Variants in DLG2 observed in about 807,000 individuals in gnomAD.
The protein encoded by DLG2 is disks large homolog 2.
A neutral mutation model predicts 132.5 loss-of-function variants in DLG2; 45 were observed. The ratio of observed to expected loss-of-function variants is 0.34; its 90% CI spans 0.27 to 0.44. The LOEUF (loss-of-function observed/expected upper bound fraction) is 0.44. Among genes scored for constraint, DLG2 ranks in the 20% least tolerant of loss-of-function variants. DLG2 has a pLI of 1.00. For synonymous variants in DLG2, 424 were observed against 419.6 expected (o/e 1.01, Z -0.13); for missense variants, 1,045 against 1,196.9 (o/e 0.87, Z 1.87).
chr11:83,654,659 G>A (rs1031455890), intron 18 of DLG2, among the ~76,000 whole-genome samples: 2 of 152,172 alleles, frequency 1.3e-5, no homozygotes, highest in Admixed American at 1.3e-4. Flanking sequence ...AAGGATAGGA[G>A]ACACATCCTA....
chr11:85,217,730 G>C (rs535943804), intron 4 of DLG2, among the ~76,000 whole-genome samples: 5 of 152,054 alleles, frequency 3.3e-5, no homozygotes, highest in Non-Finnish European at 7.4e-5. Flanking sequence ...TCCTGATTCC[G>C]TCCCTTTGCA....
chr11:83,762,832 C>T lies in DLG2; in HGVS notation c.1825+23858G>A, dbSNP rs557139417. 2.0e-5 allele frequency among the ~76,000 whole-genome samples: 3 copies of T among 152,290 alleles called. No individual in the cohort carries two copies. The South Asian group carries it at 6.2e-4, about 32-fold the overall frequency. Reference sequence around the variant, plus strand: ...TTCTGACCTCGTGATCTGCCTGCCTCGGCCCTCCAAAGTGCTGGGATTACA... The same window carrying T: ...TTCTGACCTCGTGATCTGCCTGCCTTGGCCCTCCAAAGTGCTGGGATTACA... On this transcript the variant is annotated intron_variant, in intron 18 of 27. Transcript: ENST00000376104.
chr11:84,753,771 G>A (rs75490221), intron 6 of DLG2, among the ~76,000 whole-genome samples: 6,455 of 152,242 alleles, frequency 0.042, 462 homozygotes, highest in African/African-American at 0.15. Context: ...CTAAGCCTTG[G>A]TCAACAGTGA....
chr11:85,030,970 T>G (rs2060950744), intron 6 of DLG2, among the ~76,000 whole-genome samples: 1 of 152,020 alleles, frequency 6.6e-6, no homozygotes, highest in African/African-American at 2.4e-5. Context: ...TTATTTTATT[T>G]TAGATTCAGG....
Position 83,499,632 on chromosome 11 carries a change from T to G in DLG2, c.2194-15404A>C, listed in dbSNP as rs1373004999. Among the ~76,000 whole-genome samples the G allele has an allele frequency of 2.0e-5, 3 of 151,056 alleles. No homozygotes were observed. In the East Asian group the frequency reaches 5.9e-4, roughly 30 times the overall value. On this transcript the variant is annotated intron_variant, in intron 21 of 27. Coordinates refer to ENST00000376104, the MANE Select transcript of DLG2 (RefSeq NM_001142699.3). ...CTCTACACTCTCCGTATTGCCTCCT[T>G]ATAAGGTAAGTCTTCCTGCCCTCGA...
chr11:85,483,939 G>A (rs1003751326), intron 3 of DLG2, among the ~76,000 whole-genome samples: 15 of 151,774 alleles, frequency 9.9e-5, no homozygotes, highest in Non-Finnish European at 2.1e-4. Flanking sequence ...CTTTATTAAG[G>A]TATATACAAT....
chr11:84,144,872 T>C (rs780303864), intron 9 of DLG2, among the ~76,000 whole-genome samples: 3 of 152,218 alleles, frequency 2.0e-5, no homozygotes, highest in Admixed American at 1.3e-4. Flanking sequence ...GAGCCAAAGC[T>C]GTTATGATTT....
intron 3 of DLG2, among the ~76,000 whole-genome samples, chr11:85,305,323 C>T (rs891832613): frequency 6.6e-6 from 1 of 152,072 alleles, no homozygotes; most frequent in African/African-American, 2.4e-5. Flanking sequence ...TATAAAGCAG[C>T]GATTATAGAT....
chr11:83,902,406 T>C (rs1450010025), intron 15 of DLG2, among the ~76,000 whole-genome samples: 1 of 152,162 alleles, frequency 6.6e-6, no homozygotes, highest in Non-Finnish European at 1.5e-5. Flanking sequence ...TTAACAAAAG[T>C]AGCATCAAGA....
chr11:84,058,196 T>C (rs369526471), intron 11 of DLG2, among the ~76,000 whole-genome samples: 8 of 152,088 alleles, frequency 5.3e-5, no homozygotes, highest in African/African-American at 1.9e-4. Flanking sequence ...TTTAAAGAAA[T>C]GAGAAATGAT....
chr11:84,422,099 A>C (rs2098952912), intron 7 of DLG2, among the ~76,000 whole-genome samples: 1 of 152,194 alleles, frequency 6.6e-6, no homozygotes, highest in Non-Finnish European at 1.5e-5. Flanking sequence ...AACTCTTCAG[A>C]GTTGAGGAAG....
intron 15 of DLG2, among the ~76,000 whole-genome samples, chr11:83,900,430 A>C (rs2073088614): frequency 6.6e-6 from 1 of 152,138 alleles, no homozygotes; most frequent in South Asian, 2.1e-4. Flanking sequence ...GGCCAAAGAG[A>C]AAAAAGTGGT....
chr11:83,562,482 C>T (rs622934), intron 19 of DLG2, among the ~76,000 whole-genome samples: 71,123 of 151,756 alleles, frequency 0.47, 17,168 homozygotes, highest in Admixed American at 0.57. Flanking sequence ...TACAGGCACT[C>T]AGTTCACTGA....
At position 83,471,144 on chromosome 11, in the gene DLG2, T is replaced by C. The variant is rs533569193; in HGVS notation, c.2446+482A>G. Among the ~76,000 whole-genome samples the C allele has an allele frequency of 4.6e-5, 7 of 152,230 alleles. No individual in the cohort carries two copies. The South Asian group carries it at 1.4e-3, about 32-fold the overall frequency. ...AATTGAAGTGTTACACATTTTCTTG[T>C]CTTCACCCTCCCTAAACCTGGGACT... On this transcript the variant is annotated intron_variant, in intron 24 of 27. Coordinates refer to ENST00000376104, the MANE Select transcript of DLG2 (RefSeq NM_001142699.3).
chr11:84,874,306 T>C (rs1196827408), intron 6 of DLG2, among the ~76,000 whole-genome samples: 1 of 151,960 alleles, frequency 6.6e-6, no homozygotes, highest in African/African-American at 2.4e-5. Context: ...AAGTAGAAAA[T>C]CCTTGGGAGA....
intron 4 of DLG2, among the ~76,000 whole-genome samples, chr11:85,269,741 T>A (rs1219249896): frequency 1.3e-5 from 2 of 152,178 alleles, no homozygotes; most frequent in Non-Finnish European, 2.9e-5. Flanking sequence ...AAGAATTAAA[T>A]GAAGGTCTGC....
At chr11:83,906,077 C>CTA (rs1173246940) in intron 15 of DLG2, among the ~76,000 whole-genome samples, 138 of 97,164 alleles carry the variant, frequency 1.4e-3, no homozygotes, top group Admixed American at 3.5e-3. Flanking sequence ...CTCTCTCTCT[C>CTA]TCTCTATATA....
intron 7 of DLG2, among the ~76,000 whole-genome samples, chr11:84,396,202 T>C (rs1601389929): frequency 2.0e-5 from 3 of 152,170 alleles, no homozygotes; most frequent in African/African-American, 7.2e-5. Context: ...TTCCCATAAA[T>C]CAAATCTCAG....
At chr11:83,578,163 T>C (rs1026208613) in intron 19 of DLG2, among the ~76,000 whole-genome samples, 20 of 150,156 alleles carry the variant, frequency 1.3e-4, no homozygotes, top group Admixed American at 4.7e-4. Flanking sequence ...AAGGTTCTAA[T>C]GCGGTACATG....
Sources: allele counts gnomAD v4.1 joint callset (sites outside exome capture counted in the v4.1 genomes callset), GRCh38; gene constraint gnomAD v4.1.1; transcripts MANE v1.5; gene names NCBI Gene and HGNC (gene_info 2026-07-23, HGNC 2026-07-21).